The following LPP variants were observed in gnomAD, a reference collection of about 807,000 sequenced individuals.
LPP encodes the protein lipoma-preferred partner.
In LPP, 38 loss-of-function variants were observed where a neutral mutation model predicts 60.4. The observed-to-expected ratio is 0.63, with a 90% CI of 0.49 to 0.83. The LOEUF (loss-of-function observed/expected upper bound fraction) is 0.83. Ranked by LOEUF, LPP falls within the 40% of genes least tolerant of loss-of-function variation. The pLI is 0.00. For missense variants in LPP, 902 were observed against 783.6 expected, an observed-to-expected ratio of 1.15 and a Z score of -1.80; for synonymous variants, 328 against 290.8, an observed-to-expected ratio of 1.13 and a Z score of -1.30.
In LPP at chr3:188,886,888, A is replaced by G; in HGVS notation, c.*12409A>G. The G allele has an allele frequency of 1.3e-5, 3 of 230,324 alleles. 1 individual carries two copies. Among genetic ancestry groups the G allele is most frequent in the Non-Finnish European group, 2.6e-5 (3 of 116,336 alleles). The allele number at this position is 230,324 out of a possible 1,614,324, so 14.3% of individuals were successfully genotyped here. A position where few individuals can be genotyped will look rare whatever the true frequency, so the allele number is the denominator to read the frequency against. On this transcript the variant is annotated 3_prime_UTR_variant, in exon 12 of 12. Coordinates refer to ENST00000617246, the MANE Select transcript of LPP (RefSeq NM_001375462.1). ...TTTGTAACAGCTAAAAAGGAGAAGAAAAAGCTAGTTAAATTTTGTGTGGAT... is the reference window on the plus strand; with the variant it reads ...TTTGTAACAGCTAAAAAGGAGAAGAGAAAGCTAGTTAAATTTTGTGTGGAT...
At chr3:188,475,069 A>G (rs1802821968) in intron 4 of LPP, among the ~76,000 whole-genome samples, 1 of 152,230 alleles carries the variant, frequency 6.6e-6, no homozygotes. Context: ...CCACTGCATG[A>G]CAGAGAATTA....
At chr3:188,774,925 C>T (rs764748262) in intron 9 of LPP, among the ~76,000 whole-genome samples, 1 of 152,124 alleles carries the variant, frequency 6.6e-6, no homozygotes, top group African/African-American at 2.4e-5. Context: ...TATAAAGGGA[C>T]TCAATTTAGT....
chr3:188,587,572 A>C (rs944794509), intron 6 of LPP, among the ~76,000 whole-genome samples: 1 of 152,212 alleles, frequency 6.6e-6, no homozygotes, highest in African/African-American at 2.4e-5. Flanking sequence ...CCAAAACTTT[A>C]TTAAGAAATT....
intron 6 of LPP, among the ~76,000 whole-genome samples, chr3:188,582,444 G>A (rs936345291): frequency 6.6e-6 from 1 of 151,904 alleles, no homozygotes; most frequent in East Asian, 1.9e-4. Flanking sequence ...GCCTCCCAAA[G>A]TGCTGGGATT....
intron 2 of LPP, among the ~76,000 whole-genome samples, chr3:188,280,683 A>G (rs1431952598): frequency 6.6e-6 from 1 of 151,988 alleles, no homozygotes; most frequent in Non-Finnish European, 1.5e-5. Context: ...GAAAGGAAGT[A>G]GTGTTCACCA....
intron 7 of LPP, among the ~76,000 whole-genome samples, chr3:188,638,277 C>T (rs1277464181): frequency 1.3e-5 from 2 of 149,058 alleles, no homozygotes; most frequent in African/African-American, 4.9e-5. Context: ...ATGATTATCT[C>T]AATAGATGCA....
intron 6 of LPP, among the ~76,000 whole-genome samples, chr3:188,526,298 T>C (rs1820564057): frequency 6.6e-6 from 1 of 152,056 alleles, no homozygotes; most frequent in South Asian, 2.1e-4. Context: ...TCTTCTTCTT[T>C]TTTTTTTCTT....
At chr3:188,358,358 C>T (rs541282739) in intron 3 of LPP, among the ~76,000 whole-genome samples, 252 of 152,140 alleles carry the variant, frequency 1.7e-3, no homozygotes, top group Non-Finnish European at 3.1e-3. Flanking sequence ...CTTTCCTGTA[C>T]GTTGTGAGGC....
chr3:188,316,320 T>C (rs1170845640), intron 2 of LPP, among the ~76,000 whole-genome samples: 1 of 152,112 alleles, frequency 6.6e-6, no homozygotes, highest in Non-Finnish European at 1.5e-5. Context: ...GCCCAATCTA[T>C]TTCTAGCTAC....
intron 1 of LPP, among the ~76,000 whole-genome samples, chr3:188,183,815 C>T (rs980890017): frequency 1.3e-5 from 2 of 152,062 alleles, no homozygotes; most frequent in Non-Finnish European, 2.9e-5. Context: ...GAACCCAGTT[C>T]TGCTTGATTT....
At chr3:188,197,859 A>G (rs1729975352) in intron 1 of LPP, among the ~76,000 whole-genome samples, 2 of 152,210 alleles carry the variant, frequency 1.3e-5, no homozygotes, top group Admixed American at 1.3e-4. Context: ...CTAGTTAAAT[A>G]CATTTTTCCA....
At chr3:188,423,079 C>T (rs1049843471) in intron 4 of LPP, among the ~76,000 whole-genome samples, 44 of 152,126 alleles carry the variant, frequency 2.9e-4, no homozygotes, top group Middle Eastern at 3.4e-3. Context: ...AGGTATTTCT[C>T]CTAATGCTAT....
chr3:188,178,330 C>G (rs1357528014), intron 1 of LPP, among the ~76,000 whole-genome samples: 1 of 152,218 alleles, frequency 6.6e-6, no homozygotes, highest in Non-Finnish European at 1.5e-5. Flanking sequence ...TTCTCCTCCT[C>G]ACGCTGAGAC....
chr3:188,595,817 A>T (rs1337356684), intron 6 of LPP, among the ~76,000 whole-genome samples: 6 of 152,068 alleles, frequency 3.9e-5, no homozygotes, highest in African/African-American at 9.7e-5. Flanking sequence ...CACCTATGGG[A>T]TTATATAAAC....
In LPP at chr3:188,698,232, T is replaced by C. The variant is rs114183286; in HGVS notation, c.1114-10035T>C. 3.9e-3 allele frequency among the ~76,000 whole-genome samples: 600 copies of C among 152,272 alleles called. 3 individuals are homozygous for C. The highest frequency in any genetic ancestry group is 6.6e-3 in the Non-Finnish European group (446 of 68,012). On this transcript the variant is annotated intron_variant, in intron 7 of 11. Transcript: ENST00000617246. ...GTGGGGCACAGCAAAGGCCAAAATA[T>C]GGTTTTAGTTTGAAAACCCAACCTT... is the stretch of plus-strand genomic sequence containing the variant.
chr3:188,753,672 T>G (rs546538953), intron 8 of LPP, among the ~76,000 whole-genome samples: 2 of 151,968 alleles, frequency 1.3e-5, no homozygotes, highest in Admixed American at 6.6e-5. Flanking sequence ...ACTAAGATGT[T>G]AAAATGTTTC....
At chr3:188,333,019 G>A (rs1269997460) in intron 2 of LPP, among the ~76,000 whole-genome samples, 1 of 150,222 alleles carries the variant, frequency 6.7e-6, no homozygotes, top group Non-Finnish European at 1.5e-5. Context: ...GACATTATAG[G>A]CTCACTTCTG....
chr3:188,381,394 TTGGAATTATTGGATTAGG>T (rs1279810847), intron 3 of LPP, among the ~76,000 whole-genome samples: 1 of 152,198 alleles, frequency 6.6e-6, no homozygotes, highest in East Asian at 1.9e-4. Flanking sequence ...ATTTACCTTA[TTGGAATTATTGGATTAGG>T]TGGAATTATT....
At chr3:188,526,416 C>G (rs571743301) in intron 6 of LPP, among the ~76,000 whole-genome samples, 2 of 152,076 alleles carry the variant, frequency 1.3e-5, no homozygotes, top group Non-Finnish European at 2.9e-5. Context: ...CTCAGCCTCC[C>G]GAGTAGCTGG....
Sources: allele counts gnomAD v4.1 joint callset (sites outside exome capture counted in the v4.1 genomes callset), GRCh38; gene constraint gnomAD v4.1.1; transcripts MANE v1.5; gene names NCBI Gene and HGNC (gene_info 2026-07-23, HGNC 2026-07-21).